Variants in VGLL4 observed in about 807,000 individuals in gnomAD.
The protein encoded by VGLL4 is vestigial like family member 4.
Under a neutral mutation model 21.0 loss-of-function variants are expected in VGLL4, and 7 were observed. That is an observed-to-expected ratio of 0.33 (90% CI 0.19 to 0.63). The LOEUF (loss-of-function observed/expected upper bound fraction) is 0.63, where lower values mean the gene tolerates loss of function less well. Ranked by LOEUF, VGLL4 falls within the 20% of genes least tolerant of loss-of-function variation. The pLI is 0.78. For missense variants in VGLL4, 394 were observed against 425.7 expected (o/e 0.93, Z 0.66); for synonymous variants, 222 against 173.2 (o/e 1.28, Z -2.21).
chr3:11,582,514 G>C, intron 2 of VGLL4: 1 of 672,984 alleles, frequency 1.5e-6, no homozygotes. Context: ...AGGAACTCCT[G>C]GGAGGGTTTA....
chr3:11,629,205 A>G (rs1285218274), intron 1 of VGLL4, among the ~76,000 whole-genome samples: 3 of 152,214 alleles, frequency 2.0e-5, no homozygotes, highest in Non-Finnish European at 4.4e-5. Context: ...ACTGAAATCA[A>G]TAGTGCAATA....
intron 1 of VGLL4, among the ~76,000 whole-genome samples, chr3:11,636,715 T>G (rs1474076721): frequency 6.6e-6 from 1 of 152,190 alleles, no homozygotes; most frequent in Non-Finnish European, 1.5e-5. Context: ...TCTCCAAAAC[T>G]GTGCAGAATT....
intron 2 of VGLL4, among the ~76,000 whole-genome samples, chr3:11,584,689 C>G (rs1218516159): frequency 6.6e-6 from 1 of 151,352 alleles, no homozygotes; most frequent in Admixed American, 6.6e-5. Context: ...CTTTTGGTTA[C>G]AAGCAACATA....
chr3:11,610,132 A>ATG (rs2075029920), intron 1 of VGLL4: 2 of 151,226 alleles, frequency 1.3e-5, no homozygotes, highest in Non-Finnish European at 3.0e-5. Context: ...ACCGACTGAC[A>ATG]TCATGTCCTG....
At chr3:11,626,568 A>AC (rs2075355921) in intron 1 of VGLL4, 1 of 351,706 alleles carries the variant, frequency 2.8e-6, no homozygotes, top group African/African-American at 2.1e-5. Context: ...ACAGTGCTCT[A>AC]AACACATTGT....
intron 2 of VGLL4, among the ~76,000 whole-genome samples, chr3:11,659,864 T>A (rs951742990): frequency 7.2e-5 from 11 of 152,120 alleles, no homozygotes; most frequent in Non-Finnish European, 1.2e-4. Flanking sequence ...GTAAAACTAT[T>A]TAAAATTTCC....
intron 2 of VGLL4, among the ~76,000 whole-genome samples, chr3:11,589,101 C>G (rs1029872440): frequency 6.6e-6 from 1 of 152,016 alleles, no homozygotes; most frequent in Non-Finnish European, 1.5e-5. Flanking sequence ...GGAGGAGAGC[C>G]CTTCAGGGAA....
intron 2 of VGLL4, among the ~76,000 whole-genome samples, chr3:11,687,693 G>A (rs1361727697): frequency 6.6e-6 from 1 of 152,162 alleles, no homozygotes; most frequent in Non-Finnish European, 1.5e-5. Context: ...CTTATAACCA[G>A]CTGCCTTAAT....
At position 11,560,787 on chromosome 3, in the gene VGLL4, C is replaced by T. The variant is rs150410521; in HGVS notation, c.496-1332G>A. The stretch of plus-strand genomic sequence containing the variant: ...GGGACAGAGCTGCCCAGGGTTCGTA[C>T]GGCCTCCATGGTGTGCACAGGTGGC... On this transcript the variant is annotated intron_variant, in intron 3 of 4. Coordinates refer to ENST00000430365, the MANE Select transcript of VGLL4 (RefSeq NM_001128219.3). Among the ~76,000 whole-genome samples the T allele has an allele frequency of 1.6e-3, 250 of 152,302 alleles. 1 individual carries two copies. The highest frequency in any genetic ancestry group is 5.8e-3 in the African/African-American group (240 of 41,548).
At chr3:11,623,087 G>A (rs939285179) in intron 1 of VGLL4, among the ~76,000 whole-genome samples, 2 of 152,136 alleles carry the variant, frequency 1.3e-5, no homozygotes, top group Admixed American at 6.5e-5. Context: ...GGTGACAGAG[G>A]AGAAAGTGAT....
intron 2 of VGLL4, chr3:11,569,043 C>G: frequency 1.6e-6 from 1 of 633,674 alleles, no homozygotes; most frequent in Non-Finnish European, 2.0e-6. Context: ...GCTCTCTAAG[C>G]TAAGAAACCA....
rs374956079 is a variant in VGLL4, at chr3:11,708,399, T to C, written c.-13-5352A>G. On this transcript the variant is annotated intron_variant, in intron 1 of 5. Transcript: ENST00000273038. ...AAAGAGCAGGGAGGGTGGGAAAAGG[T>C]GGGAGACAGCAGCACATGCTGAGAC... Among the ~76,000 whole-genome samples, 12 of 152,154 alleles carry C rather than the reference T, an allele frequency of 7.9e-5. No individual in the cohort carries two copies. The South Asian group carries it at 2.3e-3, about 29-fold the overall frequency.
At chr3:11,604,304 C>G (rs183472708) in intron 1 of VGLL4, 1 of 859,396 alleles carries the variant, frequency 1.2e-6, no homozygotes, top group Non-Finnish European at 1.4e-6. Flanking sequence ...AGCTGTGCCC[C>G]AAAACATAGC....
rs751691686 is a variant in VGLL4 at position 11,558,144 on chromosome 3, G to A, written c.*412C>T. ...ACATGGACCGAACCAAACACGCCGT[G>A]GAAGCTGAGCCACACACACCCCGGT... On this transcript the variant is annotated 3_prime_UTR_variant, in exon 5 of 5. Coordinates refer to ENST00000430365, the MANE Select transcript of VGLL4 (RefSeq NM_001128219.3). 5.2e-5 allele frequency: 12 copies of A among 231,826 alleles called. No individual in the cohort carries two copies. Among genetic ancestry groups the A allele is most frequent in the Non-Finnish European group, 7.7e-5 (9 of 117,182 alleles). The allele number at this position is 231,826 out of a possible 1,614,324, so 14.4% of individuals were successfully genotyped here.
chr3:11,689,885 C>A (rs1199280268), intron 2 of VGLL4, among the ~76,000 whole-genome samples: 1 of 152,198 alleles, frequency 6.6e-6, no homozygotes, highest in Non-Finnish European at 1.5e-5. Context: ...AGTCTCTCCT[C>A]CAGTGGCGAA....
chr3:11,710,277 T>G (rs2076823414), intron 1 of VGLL4, among the ~76,000 whole-genome samples: 1 of 152,116 alleles, frequency 6.6e-6, no homozygotes, highest in Admixed American at 6.5e-5. Context: ...GGAACAGCAC[T>G]GTGGGGTATA....
chr3:11,688,744 C>T (rs1038642221), intron 2 of VGLL4, among the ~76,000 whole-genome samples: 3 of 152,026 alleles, frequency 2.0e-5, no homozygotes, highest in Non-Finnish European at 4.4e-5. Flanking sequence ...GTAGACTGGG[C>T]GTGGTGGCTC....
intron 1 of VGLL4, among the ~76,000 whole-genome samples, chr3:11,717,322 A>G (rs2076932740): frequency 6.6e-6 from 1 of 151,688 alleles, no homozygotes; most frequent in Admixed American, 6.6e-5. Context: ...TTGTTAACCT[A>G]CTCATTATTT....
In VGLL4 at chr3:11,558,518, C is replaced by T; in HGVS notation, c.*38G>A. On this transcript the variant is annotated 3_prime_UTR_variant, in exon 5 of 5. Coordinates refer to ENST00000430365, the MANE Select transcript of VGLL4 (RefSeq NM_001128219.3). Reference sequence around the variant, plus strand: ...ACTGACTGTTCAAAGCTCAGGCAAACCATGCAGATCCACGTGTTGTTGGAG... The same window carrying T: ...ACTGACTGTTCAAAGCTCAGGCAAATCATGCAGATCCACGTGTTGTTGGAG... 7.3e-7 allele frequency: 1 copy of T among 1,364,608 alleles called. No homozygotes were observed. Among genetic ancestry groups the T allele is most frequent in the Admixed American group, 1.9e-5 (1 of 52,058 alleles). 84.5% of individuals were successfully genotyped at this position (1,364,608 alleles called of 1,614,324 possible).
Sources: gnomAD v4.1 joint callset for allele counts (sites outside exome capture counted in the v4.1 genomes callset) on GRCh38, gnomAD v4.1.1 for gene constraint, MANE v1.5 for transcripts, NCBI Gene and HGNC (gene_info 2026-07-23, HGNC 2026-07-21) for gene names.